SLC4A4: variants seen among roughly 807,000 people sequenced by gnomAD.
The protein encoded by SLC4A4 is electrogenic sodium bicarbonate cotransporter 1.
Under a neutral mutation model 111.5 loss-of-function variants are expected in SLC4A4, and 27 were observed. That is an observed-to-expected ratio of 0.24 (90% confidence interval 0.18 to 0.33). The LOEUF is 0.33. Ranked by LOEUF, SLC4A4 falls within the 10% of genes least tolerant of loss-of-function variation. SLC4A4 has a pLI of 1.00. For synonymous variants in SLC4A4, 443 were observed against 463.4 expected, an observed-to-expected ratio of 0.96 and a Z score of 0.57; for missense variants, 909 against 1,315.5, an observed-to-expected ratio of 0.69 and a Z score of 4.78.
intron 1 of SLC4A4, among the ~76,000 whole-genome samples, chr4:71,235,195 C>T (rs1376109264): frequency 3.3e-5 from 5 of 152,194 alleles, no homozygotes; most frequent in Non-Finnish European, 5.9e-5. Flanking sequence ...CACACTTGTT[C>T]AGTGGTAGAG....
At chr4:71,398,060 C>T (rs1451699860) in intron 7 of SLC4A4, among the ~76,000 whole-genome samples, 2 of 151,970 alleles carry the variant, frequency 1.3e-5, no homozygotes, top group African/African-American at 2.4e-5. Context: ...CTGAGGTGGG[C>T]GGATCACTTG....
intron 23 of SLC4A4, among the ~76,000 whole-genome samples, chr4:71,561,545 A>G (rs16846597): frequency 0.042 from 6,307 of 151,898 alleles, 274 homozygotes; most frequent in East Asian, 0.21. Flanking sequence ...TGGATTTCAC[A>G]TAAATTGATT....
chr4:71,563,880 C>T lies in SLC4A4; in HGVS notation c.3187C>T (p.Pro1063Ser). 1 of 1,603,786 alleles carries T rather than the reference C, an allele frequency of 6.2e-7. No homozygotes were observed. The highest frequency in any genetic ancestry group is 8.5e-7 in the Non-Finnish European group (1 of 1,171,394). The change falls in exon 24 of 26, where the codon CCT (proline) becomes TCT (serine). Residue 1063 changes from proline to serine, a missense_variant. Pro to Ser is a moderately conservative substitution (Grantham distance 74). This residue lies in a region of SLC4A4 where 85 missense variants were observed against 79.8 expected (regional missense o/e 1.07). Transcript: ENST00000264485. ...GCAACCTTTCCTAAGCGATAGCAAA[C>T]CTTCTGACAGTGAGTAGAACTAACC... ...EQQPFLSDSK[P>S]SDRERSPTFL...
intron 6 of SLC4A4, among the ~76,000 whole-genome samples, chr4:71,376,695 TG>T (rs1732436219): frequency 6.6e-6 from 1 of 151,754 alleles, no homozygotes; most frequent in African/African-American, 2.4e-5. Context: ...TGGAGTGCAG[TG>T]GTGCGATCTG....
At chr4:71,151,038 T>A (rs7694416) in intron 2 of SLC4A4, among the ~76,000 whole-genome samples, 20,174 of 152,220 alleles carry the variant, frequency 0.13, 2,027 homozygotes, top group African/African-American at 0.25. Context: ...ACTAGCCCCA[T>A]GTGGCTGTTT....
Position 71,566,984 on chromosome 4 carries a change from T to A in SLC4A4, c.3197-20T>A, listed in dbSNP as rs780504139. 1 of 1,602,960 alleles carries A rather than the reference T, an allele frequency of 6.2e-7. No homozygotes were observed. Among genetic ancestry groups the A allele is most frequent in the Non-Finnish European group, 8.5e-7 (1 of 1,171,758 alleles). The stretch of plus-strand genomic sequence containing the variant: ...ACCAAAGATCTACCATTTATGTTTT[T>A]AAAAAATTTTATTTTCCAGGAGAAA... On this transcript the variant is annotated intron_variant, in intron 24 of 25. Coordinates refer to ENST00000264485, the MANE Select transcript of SLC4A4 (RefSeq NM_001098484.3).
chr4:71,155,134 T>C (rs1022107356), intron 2 of SLC4A4, among the ~76,000 whole-genome samples: 1 of 151,966 alleles, frequency 6.6e-6, no homozygotes, highest in African/African-American at 2.4e-5. Flanking sequence ...GTACAGTGGG[T>C]CTAACGTTGA....
intron 5 of SLC4A4, among the ~76,000 whole-genome samples, chr4:71,353,327 G>C (rs1002321617): frequency 6.6e-6 from 1 of 152,194 alleles, no homozygotes; most frequent in African/African-American, 2.4e-5. Flanking sequence ...AGCAGTCAGA[G>C]AGCCAGTGCT....
intron 16 of SLC4A4, among the ~76,000 whole-genome samples, chr4:71,513,656 A>G (rs540746551): frequency 4.7e-4 from 71 of 152,236 alleles, no homozygotes. Context: ...TAGGACTTCC[A>G]GACTGTGTTG....
At chr4:71,080,667 C>T (rs547895608) in intron 1 of SLC4A4, among the ~76,000 whole-genome samples, 6 of 152,052 alleles carry the variant, frequency 3.9e-5, no homozygotes, top group South Asian at 2.1e-4. Context: ...CTAATGGGCT[C>T]GTTAGTGTTC....
intron 7 of SLC4A4, among the ~76,000 whole-genome samples, chr4:71,426,829 G>A (rs981324609): frequency 3.3e-5 from 5 of 152,244 alleles, no homozygotes; most frequent in African/African-American, 1.2e-4. Context: ...TGGGTGTGGT[G>A]TGTACATTCC....
chr4:71,518,830 G>A (rs1379825431), intron 16 of SLC4A4, among the ~76,000 whole-genome samples: 4 of 152,174 alleles, frequency 2.6e-5, no homozygotes, highest in East Asian at 1.9e-4. Context: ...GGGGCAACCC[G>A]GATCAGTCTG....
chr4:71,480,946 C>A (rs1008817558), intron 14 of SLC4A4, among the ~76,000 whole-genome samples: 1 of 151,728 alleles, frequency 6.6e-6, no homozygotes, highest in African/African-American at 2.4e-5. Context: ...TGACATTCAT[C>A]CCAGGGACAA....
rs574331848 is a variant in SLC4A4 at position 71,384,992 on chromosome 4, C to T, written c.731-12585C>T. Among the ~76,000 whole-genome samples, 41 of 150,652 alleles carry T rather than the reference C, an allele frequency of 2.7e-4. No individual in the cohort carries two copies. In the South Asian group the frequency reaches 8.3e-3, roughly 30 times the overall value. On this transcript the variant is annotated intron_variant, in intron 6 of 25. Coordinates refer to ENST00000264485, the MANE Select transcript of SLC4A4 (RefSeq NM_001098484.3). ...TGTATACCTATGTAACAAAACTGCA[C>T]GTTCTGCACATGTACCCCAGAACTT... is the stretch of plus-strand genomic sequence containing the variant.
At chr4:71,458,638 CTTTAT>C (rs1560526473) in intron 12 of SLC4A4, among the ~76,000 whole-genome samples, 1 of 151,970 alleles carries the variant, frequency 6.6e-6, no homozygotes, top group Non-Finnish European at 1.5e-5. Flanking sequence ...AAATTTGAGA[CTTTAT>C]TTTAACATAA....
chr4:71,496,908 T>C (rs1399755103), intron 15 of SLC4A4, among the ~76,000 whole-genome samples: 1 of 152,000 alleles, frequency 6.6e-6, no homozygotes, highest in African/African-American at 2.4e-5. Context: ...AAGAAAAAAA[T>C]CTATACTTTA....
chr4:71,372,126 G>A (rs1466219040), intron 6 of SLC4A4, among the ~76,000 whole-genome samples: 1 of 152,122 alleles, frequency 6.6e-6, no homozygotes, highest in Non-Finnish European at 1.5e-5. Flanking sequence ...AAAGATTTTA[G>A]CAAGATATTT....
Position 71,255,367 on chromosome 4 carries a change from A to G in SLC4A4, c.221A>G (p.Asp74Gly). 1 of 1,613,604 alleles carries G rather than the reference A, an allele frequency of 6.2e-7. No homozygotes were observed. The highest frequency in any genetic ancestry group is 8.5e-7 in the Non-Finnish European group (1 of 1,179,608). Residue 74 changes from aspartate (D) to glycine (G), a missense_variant, in exon 3 of 26, where the codon GAT (aspartate) becomes GGT (glycine). Asp to Gly is a moderately conservative substitution (Grantham distance 94, BLOSUM62 -1). Transcript: ENST00000264485. ...YSDKSDIENA[D>G]ESSSSILKPL... is the part of the protein sequence containing the mutation. ...GACAAATCAGATATTGAAAATGCTGATGAATCCAGCAGCAGCATCCTAAAA... is the reference window on the plus strand; with the variant it reads ...GACAAATCAGATATTGAAAATGCTGGTGAATCCAGCAGCAGCATCCTAAAA...
upstream of SLC4A4, among the ~76,000 whole-genome samples, chr4:71,183,259 T>A (rs902785564): frequency 6.6e-6 from 1 of 152,218 alleles, no homozygotes; most frequent in Non-Finnish European, 1.5e-5. Flanking sequence ...ACTTTAGGCA[T>A]GTGTTTTAAA....
Sources: allele counts gnomAD v4.1 joint callset (sites outside exome capture counted in the v4.1 genomes callset), GRCh38; gene constraint gnomAD v4.1.1; regional missense constraint gnomAD v4.1.1; transcripts MANE v1.5; gene names NCBI Gene and HGNC (gene_info 2026-07-23, HGNC 2026-07-21).